Variants in NLRP7 observed in about 807,000 individuals in gnomAD.
NLRP7 encodes the protein NLR family pyrin domain containing 7.
A neutral mutation model predicts 85.5 loss-of-function variants in NLRP7; 72 were observed. That is an observed-to-expected ratio of 0.84 (90% CI 0.70 to 1.02). The LOEUF (loss-of-function observed/expected upper bound fraction) is 1.02. NLRP7 is among the 50% of genes least tolerant of loss of function. The probability of loss-of-function intolerance (pLI) is 0.00; values close to 1 mark genes in which losing one functional copy is unlikely to be tolerated. For synonymous variants in NLRP7, 550 were observed against 505.2 expected, an observed-to-expected ratio of 1.09 and a Z score of -1.19; for missense variants, 1,243 against 1,219.5, an observed-to-expected ratio of 1.02 and a Z score of -0.29.
At chr19:54,943,147 C>CA (rs34287816) in intron 1 of NLRP7, among the ~76,000 whole-genome samples, 5,587 of 139,136 alleles carry the variant, frequency 0.04, 113 homozygotes, top group African/African-American at 0.062. Flanking sequence ...AACTCTATCT[C>CA]AAAAAAAAAA....
chr19:54,937,045 C>T (rs930763995), intron 5 of NLRP7, among the ~76,000 whole-genome samples: 1 of 151,498 alleles, frequency 6.6e-6, no homozygotes, highest in Non-Finnish European at 1.5e-5. Flanking sequence ...GGTGAAACCC[C>T]GTCTTTACTA....
intron 9 of NLRP7, 118 bp from the exon 11 acceptor site, chr19:54,923,990 C>A: frequency 9.0e-7 from 1 of 1,112,034 alleles, no homozygotes; most frequent in Non-Finnish European, 1.3e-6. Flanking sequence ...TTCTGGGGGA[C>A]AGGGTCTTGC....
At chr19:54,941,231 G>GT (rs1236231911) in intron 2 of NLRP7, among the ~76,000 whole-genome samples, 5 of 151,304 alleles carry the variant, frequency 3.3e-5, no homozygotes, top group African/African-American at 1.2e-4. Context: ...TTAGCCAGGT[G>GT]TGGTGAAACA....
chr19:54,945,490 G>T (rs1427060021), intron 1 of NLRP7, among the ~76,000 whole-genome samples: 2 of 151,694 alleles, frequency 1.3e-5, no homozygotes, highest in African/African-American at 4.8e-5. Flanking sequence ...GGCTGGTCTT[G>T]AACTCCTGAC....
intron 6 of NLRP7, among the ~76,000 whole-genome samples, chr19:54,935,568 C>T (rs2068878986): frequency 7.0e-6 from 1 of 142,576 alleles, no homozygotes; most frequent in Non-Finnish European, 1.5e-5. Flanking sequence ...TGGTGGTGCA[C>T]GCCTGTAACC....
At chr19:54,939,837 C>G in exon 4 of NLRP7, 1 of 1,614,042 alleles carries the variant, frequency 6.2e-7, no homozygotes, top group Non-Finnish European at 8.5e-7. Context: ...GCCCTCCTGT[C>G]CTCCTCCAGG....
intron 1 of NLRP7, among the ~76,000 whole-genome samples, chr19:54,959,668 C>G (rs369531259): frequency 1.4e-3 from 205 of 151,326 alleles, no homozygotes; most frequent in African/African-American, 4.6e-3. Flanking sequence ...GTATGTGCTG[C>G]CAAAGCAAAT....
At chr19:54,955,639 GT>G (rs2069826354) in intron 1 of NLRP7, among the ~76,000 whole-genome samples, 2 of 151,896 alleles carry the variant, frequency 1.3e-5, no homozygotes, top group Non-Finnish European at 2.9e-5. Context: ...AAATACAAAA[GT>G]TAGCCAGGAG....
intron 1 of NLRP7, among the ~76,000 whole-genome samples, chr19:54,959,243 A>G (rs576551490): frequency 1.3e-4 from 20 of 150,466 alleles, no homozygotes; most frequent in African/African-American, 4.9e-4. Flanking sequence ...GATTCAAGCA[A>G]TTCTGCTGCC....
At chr19:54,964,036 C>G (rs1490031449) in intron 1 of NLRP7, among the ~76,000 whole-genome samples, 1 of 148,896 alleles carries the variant, frequency 6.7e-6, no homozygotes, top group Non-Finnish European at 1.5e-5. Context: ...CCCGCCACCA[C>G]GCCCGACTAA....
Position 54,931,357 on chromosome 19 carries a change from G to C in NLRP7, c.2643-691C>G, listed in dbSNP as rs529113959. On this transcript the variant is annotated intron_variant, in intron 8 of 9. Transcript: ENST00000340844. ...GTGAATCACAAGATCAGGAGTTCAA[G>C]ACCAGCCTGGCCAAAGTGGTGAAAC... is the stretch of plus-strand genomic sequence containing the variant. Among the ~76,000 whole-genome samples the C allele has an allele frequency of 4.6e-5, 7 of 152,214 alleles. No individual in the cohort carries two copies. The South Asian group carries it at 1.2e-3, about 27-fold the overall frequency.
chr19:54,950,074 C>T (rs2069619894), upstream of NLRP7, among the ~76,000 whole-genome samples: 1 of 151,680 alleles, frequency 6.6e-6, no homozygotes, highest in African/African-American at 2.4e-5. Flanking sequence ...TGCACTCCAG[C>T]CTGGGTGACG....
rs779497592 is a variant in NLRP7 at position 54,939,467 on chromosome 19, C to T, written c.1352G>A (p.Gly451Glu). 36 of 1,613,570 alleles carry T rather than the reference C, an allele frequency of 2.2e-5. No homozygotes were observed. Among genetic ancestry groups the T allele is most frequent in the Admixed American group, 5.0e-5 (3 of 59,910 alleles). The stretch of plus-strand genomic sequence containing the variant: ...GACTCTGTCCTGGCGGAGGATGTCT[C>T]CGTCCAGGAACAGACGGAGGTCGGA... The change falls in exon 4 of 10, where the codon GGA becomes GAA. Residue 451 changes from glycine to glutamate, a missense_variant. Around this residue, in one of 3 missense-constraint regions of NLRP7, gnomAD observed 39 missense variants for 67.9 expected, o/e 0.57. Transcript: ENST00000340844.
In NLRP7 at chr19:54,940,456, T is replaced by C. The variant is rs368182258; in HGVS notation, c.363A>G (p.Glu121=). 8.1e-6 allele frequency: 13 copies of C among 1,613,928 alleles called. No individual in the cohort carries two copies. The East Asian group carries it at 2.2e-4, about 28-fold the overall frequency. The change falls in exon 4 of 10, where the codon GAA becomes GAG. Residue 121 remains glutamate (E), a synonymous_variant. Coordinates refer to ENST00000340844, the Ensembl canonical transcript of NLRP7. ...GTTTCTCCATTGAATTTCTCCATCCTTCCTTTTCACCTGCAGTGACAGCCC... is the reference window on the plus strand; with the variant it reads ...GTTTCTCCATTGAATTTCTCCATCCCTCCTTTTCACCTGCAGTGACAGCCC...
At chr19:54,964,361 T>A in intron 1 of NLRP7, among the ~76,000 whole-genome samples, 1 of 137,588 alleles carries the variant, frequency 7.3e-6, no homozygotes, top group South Asian at 2.3e-4. Flanking sequence ...GGACTACAGG[T>A]GCCCGCCACC....
At chr19:54,946,196 C>T (rs1000784440) in intron 1 of NLRP7, among the ~76,000 whole-genome samples, 5 of 151,666 alleles carry the variant, frequency 3.3e-5, no homozygotes, top group African/African-American at 4.8e-5. Flanking sequence ...CGTGAGCCAC[C>T]GCATCTGGCC....
At chr19:54,951,944 C>G (rs1412816133), upstream of NLRP7, among the ~76,000 whole-genome samples, 4 of 151,722 alleles carry the variant, frequency 2.6e-5, no homozygotes, top group Non-Finnish European at 5.9e-5. Context: ...AGTAGAGACG[C>G]GGTTTCACCA....
intron 1 of NLRP7, among the ~76,000 whole-genome samples, chr19:54,964,372 A>C: frequency 6.7e-6 from 1 of 149,106 alleles, no homozygotes; most frequent in Non-Finnish European, 1.5e-5. Context: ...GCCCGCCACC[A>C]CGCCCGGCTA....
intron 1 of NLRP7, among the ~76,000 whole-genome samples, chr19:54,957,701 T>G (rs1490285225): frequency 6.6e-6 from 1 of 152,174 alleles, no homozygotes; most frequent in East Asian, 1.9e-4. Context: ...CATCTGGCCC[T>G]TCCTCCAGTC....
Sources: allele counts gnomAD v4.1 joint callset (sites outside exome capture counted in the v4.1 genomes callset), GRCh38; gene constraint gnomAD v4.1.1; regional missense constraint gnomAD v4.1.1; transcripts MANE v1.5; gene names NCBI Gene and HGNC (gene_info 2026-07-23, HGNC 2026-07-21).